Variants in PDE4D observed in about 807,000 individuals in gnomAD.
PDE4D encodes 3',5'-cyclic-AMP phosphodiesterase 4D.
Under a neutral mutation model 87.4 loss-of-function variants are expected in PDE4D, and 24 were observed. That is an observed-to-expected ratio of 0.27 (90% confidence interval 0.20 to 0.39). The LOEUF (loss-of-function observed/expected upper bound fraction) is 0.39. PDE4D is among the 10% of genes least tolerant of loss of function. PDE4D has a pLI of 1.00. For synonymous variants in PDE4D, 384 were observed against 383.2 expected, an observed-to-expected ratio of 1.00 and a Z score of -0.02; for missense variants, 714 against 1,041.0, an observed-to-expected ratio of 0.69 and a Z score of 4.32.
intron 5 of PDE4D, among the ~76,000 whole-genome samples, chr5:59,176,578 A>G (rs1397594717): frequency 6.6e-6 from 1 of 152,036 alleles, no homozygotes; most frequent in African/African-American, 2.4e-5. Flanking sequence ...AAAAAATCAA[A>G]TTCTCCTGGC....
intron 2 of PDE4D, chr5:60,021,843 A>G (rs1410532170): frequency 1.3e-5 from 2 of 152,212 alleles, no homozygotes; most frequent in Non-Finnish European, 2.9e-5. Flanking sequence ...AGCACATCTT[A>G]GCAGTAAATA....
At chr5:59,639,970 AAAG>A (rs1192640323) in intron 1 of PDE4D, among the ~76,000 whole-genome samples, 3 of 151,654 alleles carry the variant, frequency 2.0e-5, no homozygotes, top group East Asian at 1.9e-4. Flanking sequence ...CCCCAACCTT[AAAG>A]AAGAGCTTTT....
chr5:58,975,693 C>T lies in PDE4D; in HGVS notation c.1977G>A (p.Met659Ile). ...CCACGGAAGCATTGTGCTTGTCACA[C>T]ATGGGGCTTATCTCCATGCCACGTT... ...ERERGMEISP[M>I]CDKHNASVEK... Residue 659 changes from methionine (M) to isoleucine (I), a missense_variant, in exon 14 of 15, where the codon ATG (methionine) becomes ATA (isoleucine). Around this residue, in one of 7 missense-constraint regions of PDE4D, gnomAD observed 97 missense variants for 176.9 expected, o/e 0.55. Transcript: ENST00000340635. The surrounding 1 kb of genome is among the most constrained non-coding windows in gnomAD (Gnocchi z 4.2). 6.2e-7 allele frequency: 1 copy of T among 1,611,924 alleles called. No homozygotes were observed. The highest frequency in any genetic ancestry group is 1.7e-4 in the Middle Eastern group (1 of 6,040).
At chr5:59,437,613 A>G (rs1796966336) in intron 1 of PDE4D, among the ~76,000 whole-genome samples, 1 of 152,124 alleles carries the variant, frequency 6.6e-6, no homozygotes, top group South Asian at 2.1e-4. Context: ...TAAATCTATC[A>G]ATTCATTTTT....
intron 1 of PDE4D, among the ~76,000 whole-genome samples, chr5:59,716,946 T>A (rs1393108522): frequency 6.6e-6 from 1 of 152,194 alleles, no homozygotes; most frequent in Admixed American, 6.5e-5. Context: ...TGTTTTTGCA[T>A]CAGTTTTCTG....
At chr5:59,729,926 C>CA (rs1757142158) in intron 1 of PDE4D, among the ~76,000 whole-genome samples, 1 of 151,976 alleles carries the variant, frequency 6.6e-6, no homozygotes, top group Non-Finnish European at 1.5e-5. Context: ...CTTTTGTACA[C>CA]AAATGTACAA....
intron 1 of PDE4D, among the ~76,000 whole-genome samples, chr5:59,310,851 A>C (rs909376256): frequency 6.6e-6 from 1 of 152,176 alleles, no homozygotes; most frequent in Non-Finnish European, 1.5e-5. Flanking sequence ...GACCATCTAC[A>C]TTCTTAACAT....
Position 60,465,497 on chromosome 5 carries a change from G to C in PDE4D, c.-90+22445C>G, listed in dbSNP as rs530206149. Among the ~76,000 whole-genome samples, 3 of 152,198 alleles carry C rather than the reference G, an allele frequency of 2.0e-5. No individual in the cohort carries two copies. The South Asian group carries it at 6.2e-4, about 32-fold the overall frequency. On this transcript the variant is annotated intron_variant, in intron 1 of 16. Coordinates refer to the PDE4D transcript ENST00000502484. ...CATTGGTTCATTTAAGATGGTCCAA[G>C]ATTTCTGTTCCTGTTACTTACCTCT...
intron 1 of PDE4D, among the ~76,000 whole-genome samples, chr5:59,716,038 T>A (rs2150531916): frequency 1.3e-5 from 2 of 152,324 alleles, no homozygotes; most frequent in African/African-American, 4.8e-5. Flanking sequence ...GTCTTAGACC[T>A]GTGTGTCCAA....
chr5:59,000,998 C>T (rs549199213), intron 6 of PDE4D, among the ~76,000 whole-genome samples: 4 of 152,156 alleles, frequency 2.6e-5, no homozygotes, highest in African/African-American at 4.8e-5. Flanking sequence ...CAGAACAGAA[C>T]ATTTTAATAA....
rs187745583 is a variant in PDE4D at position 59,876,042 on chromosome 5, G to A, written c.455+17126C>T. On this transcript the variant is annotated intron_variant, in intron 1 of 14. Transcript: ENST00000340635. Reference sequence around the variant, plus strand: ...TTAATACCTGGGTGATGAAATAATCGCTACAACAAGCCCCCATGACACATG... The same window carrying A: ...TTAATACCTGGGTGATGAAATAATCACTACAACAAGCCCCCATGACACATG... Among the ~76,000 whole-genome samples, 239 of 152,172 alleles carry A rather than the reference G, an allele frequency of 1.6e-3. 1 individual carries two copies. The highest frequency in any genetic ancestry group is 5.5e-3 in the African/African-American group (229 of 41,506).
At chr5:59,398,183 C>T (rs200216969) in intron 1 of PDE4D, among the ~76,000 whole-genome samples, 39 of 138,462 alleles carry the variant, frequency 2.8e-4, no homozygotes, top group African/African-American at 1.0e-3. Flanking sequence ...CCTTCTGAAA[C>T]TATTCCAATC....
chr5:59,450,591 AT>A (rs1255628265), intron 1 of PDE4D, among the ~76,000 whole-genome samples: 1 of 152,154 alleles, frequency 6.6e-6, no homozygotes, highest in Non-Finnish European at 1.5e-5. Context: ...AATCACTTTC[AT>A]TTTCTGCAAA....
intron 1 of PDE4D, among the ~76,000 whole-genome samples, chr5:59,352,166 G>T (rs969592501): frequency 3.3e-5 from 5 of 152,172 alleles, no homozygotes; most frequent in Non-Finnish European, 5.9e-5. Flanking sequence ...TGCATAGTAA[G>T]TGTCCAATAC....
At chr5:59,720,267 T>C (rs559947563) in intron 1 of PDE4D, among the ~76,000 whole-genome samples, 47 of 152,186 alleles carry the variant, frequency 3.1e-4, no homozygotes, top group South Asian at 2.7e-3. Flanking sequence ...GTTCAAGCAA[T>C]CCTCCCACCT....
At chr5:59,001,985 C>G (rs1256102106) in intron 6 of PDE4D, 2 of 498,676 alleles carry the variant, frequency 4.0e-6, no homozygotes, top group South Asian at 1.5e-5. Flanking sequence ...TATACGGCAT[C>G]ACCTTCCCTC....
At chr5:60,398,431 A>G (rs1160377477) in intron 1 of PDE4D, among the ~76,000 whole-genome samples, 2 of 152,200 alleles carry the variant, frequency 1.3e-5, no homozygotes, top group African/African-American at 4.8e-5. Context: ...ATTGATGGAC[A>G]CTGCCTGAGT....
rs535905300 is a variant in PDE4D, at chr5:59,612,722, T to C, written c.455+280446A>G. Among the ~76,000 whole-genome samples, 22 of 152,230 alleles carry C rather than the reference T, an allele frequency of 1.4e-4. No individual in the cohort carries two copies. In the South Asian group the frequency reaches 4.6e-3, roughly 32 times the overall value. On this transcript the variant is annotated intron_variant, in intron 1 of 14. Transcript: ENST00000340635. The stretch of plus-strand genomic sequence containing the variant: ...AAACAAAATAAAAGGATAGCCTCAC[T>C]CTGAAGATATCCAAATAAAGGATGG...
chr5:59,880,813 G>A (rs191658243), intron 1 of PDE4D, among the ~76,000 whole-genome samples: 7 of 152,186 alleles, frequency 4.6e-5, no homozygotes, highest in Admixed American at 1.3e-4. Flanking sequence ...GACATAAATT[G>A]TTTTCCCTAA....
Sources: allele counts gnomAD v4.1 joint callset (sites outside exome capture counted in the v4.1 genomes callset), GRCh38; gene constraint gnomAD v4.1.1; regional missense constraint gnomAD v4.1.1; non-coding constraint Gnocchi (gnomAD v3.1); transcripts MANE v1.5; gene names NCBI Gene and HGNC (gene_info 2026-07-23, HGNC 2026-07-21).